Variants in CEP112 observed in about 807,000 individuals in gnomAD.
CEP112 encodes the protein centrosomal protein 112.
Under a neutral mutation model 153.0 loss-of-function variants are expected in CEP112, and 127 were observed. That is an observed-to-expected ratio of 0.83 (90% CI 0.72 to 0.96). The LOEUF is 0.96. Among genes scored for constraint, CEP112 ranks in the 40% least tolerant of loss-of-function variants. The probability of loss-of-function intolerance (pLI) is 0.00; values close to 1 mark genes in which losing one functional copy is unlikely to be tolerated. For missense variants in CEP112, 1,089 were observed against 1,101.2 expected, an observed-to-expected ratio of 0.99 and a Z score of 0.16; for synonymous variants, 358 against 374.4, an observed-to-expected ratio of 0.96 and a Z score of 0.51.
At chr17:66,090,035 A>C (rs2068076263) in intron 8 of CEP112, among the ~76,000 whole-genome samples, 1 of 152,152 alleles carries the variant, frequency 6.6e-6, no homozygotes, top group South Asian at 2.1e-4. Context: ...ATATATTCCA[A>C]GTACTGAAAG....
chr17:66,046,194 T>G (rs529596743), intron 12 of CEP112, among the ~76,000 whole-genome samples: 6 of 152,044 alleles, frequency 3.9e-5, no homozygotes, highest in African/African-American at 1.4e-4. Flanking sequence ...AAGCGCATGC[T>G]GCCACGCCCG....
chr17:65,901,256 A>G (rs1321121681), intron 20 of CEP112, among the ~76,000 whole-genome samples: 1 of 152,208 alleles, frequency 6.6e-6, no homozygotes, highest in African/African-American at 2.4e-5. Context: ...TTAGATTTCA[A>G]TGGGAAAAGG....
intron 16 of CEP112, among the ~76,000 whole-genome samples, chr17:66,026,710 T>C (rs1265758327): frequency 1.3e-5 from 2 of 152,212 alleles, no homozygotes; most frequent in Non-Finnish European, 2.9e-5. Context: ...TATTTGCATA[T>C]AACCTACACA....
chr17:65,733,016 T>G (rs1343000400), intron 23 of CEP112, among the ~76,000 whole-genome samples: 2 of 152,262 alleles, frequency 1.3e-5, no homozygotes. Flanking sequence ...GGCCTAGCTT[T>G]GGGCCTGTCT....
At chr17:66,169,559 CAG>C (rs2072158074) in intron 4 of CEP112, among the ~76,000 whole-genome samples, 1 of 152,110 alleles carries the variant, frequency 6.6e-6, no homozygotes, top group African/African-American at 2.4e-5. Flanking sequence ...GCTGGGATTA[CAG>C]GCATAAGCCA....
At chr17:66,005,883 T>C in intron 16 of CEP112, 114 bp from the exon 17 acceptor site, 1 of 913,704 alleles carries the variant, frequency 1.1e-6, no homozygotes, top group Non-Finnish European at 1.6e-6. Context: ...AAAATTAGAT[T>C]TAGATATTTC....
chr17:65,832,966 T>C (rs1340462713), intron 21 of CEP112, among the ~76,000 whole-genome samples: 1 of 152,090 alleles, frequency 6.6e-6, no homozygotes, highest in Non-Finnish European at 1.5e-5. Flanking sequence ...AACAAAATAC[T>C]GGCAAACTGA....
intron 25 of CEP112, among the ~76,000 whole-genome samples, chr17:65,640,152 A>ATTTTTT (rs1246755697): frequency 3.9e-4 from 27 of 68,666 alleles, no homozygotes; most frequent in South Asian, 1.2e-3. Flanking sequence ...ATATATATAT[A>ATTTTTT]TATTTTTTTT....
At chr17:66,051,461 A>C (rs192922439) in intron 12 of CEP112, among the ~76,000 whole-genome samples, 4 of 151,486 alleles carry the variant, frequency 2.6e-5, no homozygotes, top group African/African-American at 7.3e-5. Context: ...ATATTGTACT[A>C]CTGTTATTCT....
intron 21 of CEP112, among the ~76,000 whole-genome samples, chr17:65,833,382 A>G (rs543432395): frequency 6.6e-6 from 1 of 152,312 alleles, no homozygotes; most frequent in African/African-American, 2.4e-5. Flanking sequence ...ACAGAAATAA[A>G]GGACATCCGA....
At chr17:65,982,706 C>T (rs1395199125) in intron 17 of CEP112, among the ~76,000 whole-genome samples, 1 of 152,172 alleles carries the variant, frequency 6.6e-6, no homozygotes, top group African/African-American at 2.4e-5. Flanking sequence ...AATTCCACTC[C>T]TGGGTATATA....
chr17:65,806,672 C>CT (rs564147525), intron 21 of CEP112, among the ~76,000 whole-genome samples: 15 of 152,304 alleles, frequency 9.8e-5, no homozygotes, highest in Admixed American at 7.2e-4. Context: ...GCACTTCCCC[C>CT]TTCTCTCTCT....
chr17:65,719,687 T>A (rs2049756599), intron 23 of CEP112, among the ~76,000 whole-genome samples: 1 of 151,342 alleles, frequency 6.6e-6, no homozygotes, highest in African/African-American at 2.4e-5. Context: ...AGAGTAGGAG[T>A]TGGCCAGAAG....
At chr17:66,007,470 T>C (rs979767662) in intron 16 of CEP112, among the ~76,000 whole-genome samples, 1 of 152,188 alleles carries the variant, frequency 6.6e-6, no homozygotes, top group Non-Finnish European at 1.5e-5. Flanking sequence ...CTAATATGTA[T>C]TACAGTGTTT....
chr17:65,944,140 T>G (rs1326053117), intron 18 of CEP112, among the ~76,000 whole-genome samples: 1 of 152,142 alleles, frequency 6.6e-6, no homozygotes, highest in Non-Finnish European at 1.5e-5. Context: ...TTCTCACTTG[T>G]AAATAGGAGC....
chr17:65,759,574 A>G (rs1457653356), intron 21 of CEP112, among the ~76,000 whole-genome samples: 1 of 152,216 alleles, frequency 6.6e-6, no homozygotes, highest in African/African-American at 2.4e-5. Context: ...TAAATGTGCA[A>G]ATTTGTAAAA....
At chr17:66,098,225 A>G (rs1027703656) in intron 6 of CEP112, among the ~76,000 whole-genome samples, 3 of 152,196 alleles carry the variant, frequency 2.0e-5, no homozygotes, top group Non-Finnish European at 4.4e-5. Context: ...TCAATCATCC[A>G]GTAGTGCTGC....
chr17:65,769,386 C>A (rs2053201212), intron 21 of CEP112, among the ~76,000 whole-genome samples: 1 of 146,874 alleles, frequency 6.8e-6, no homozygotes, highest in Admixed American at 7.0e-5. Flanking sequence ...ATCAAAATTT[C>A]AATGACAGTC....
intron 18 of CEP112, among the ~76,000 whole-genome samples, chr17:65,930,608 A>C (rs2061085423): frequency 6.6e-6 from 1 of 152,260 alleles, no homozygotes; most frequent in African/African-American, 2.4e-5. Context: ...TATTGTGGTC[A>C]AGAATAAATT....
Sources: gnomAD v4.1 joint callset for allele counts (sites outside exome capture counted in the v4.1 genomes callset) on GRCh38, gnomAD v4.1.1 for gene constraint, MANE v1.5 for transcripts, NCBI Gene and HGNC (gene_info 2026-07-23, HGNC 2026-07-21) for gene names.